Variants in BMPER observed in about 807,000 individuals in gnomAD.
The protein encoded by BMPER is BMP-binding endothelial regulator protein.
In BMPER, 45 loss-of-function variants were observed where a neutral mutation model predicts 87.3. The ratio of observed to expected loss-of-function variants is 0.52; its 90% CI spans 0.41 to 0.66. The LOEUF is 0.66. BMPER is among the 30% of genes least tolerant of loss of function. The pLI, the probability that BMPER is intolerant of heterozygous loss-of-function variation, is 0.00. For missense variants in BMPER, 784 were observed against 867.5 expected, an observed-to-expected ratio of 0.90 and a Z score of 1.21; for synonymous variants, 326 against 316.2, an observed-to-expected ratio of 1.03 and a Z score of -0.33.
chr7:34,022,286 G>A (rs1031961213), intron 6 of BMPER, among the ~76,000 whole-genome samples: 1 of 151,980 alleles, frequency 6.6e-6, no homozygotes, highest in African/African-American at 2.4e-5. Flanking sequence ...TCTGCAGGGG[G>A]CTTCTTCTAG....
chr7:33,976,310 G>A (rs996738797), intron 6 of BMPER, among the ~76,000 whole-genome samples: 7 of 151,908 alleles, frequency 4.6e-5, no homozygotes, highest in Non-Finnish European at 8.8e-5. Context: ...GCGCCACCAG[G>A]CCTGGCTAAT....
chr7:33,974,883 C>T, intron 6 of BMPER, 99 bp downstream of exon 6: 2 of 1,210,162 alleles, frequency 1.7e-6, no homozygotes, highest in Non-Finnish European at 1.2e-6. Context: ...TCTCTCGTCT[C>T]CTCTCTGGGT....
intron 13 of BMPER, among the ~76,000 whole-genome samples, chr7:34,114,477 A>G (rs1333111174): frequency 6.6e-6 from 1 of 152,228 alleles, no homozygotes; most frequent in Non-Finnish European, 1.5e-5. Flanking sequence ...GTATTTACTA[A>G]ATGCCTTCTA....
At chr7:33,906,404 C>G (rs1434380347) in intron 1 of BMPER, among the ~76,000 whole-genome samples, 2 of 152,122 alleles carry the variant, frequency 1.3e-5, no homozygotes, top group East Asian at 3.9e-4. Context: ...TTTATTGACT[C>G]AGTTCTGAGT....
intron 5 of BMPER, among the ~76,000 whole-genome samples, chr7:33,972,533 T>G (rs183799399): frequency 6.6e-6 from 1 of 152,244 alleles, no homozygotes; most frequent in East Asian, 1.9e-4. Flanking sequence ...AGCCATCCAC[T>G]GTTTATACAC....
At chr7:33,965,870 TTTAGA>T (rs10581280) in intron 3 of BMPER, among the ~76,000 whole-genome samples, 152,312 of 152,316 alleles carry the variant, frequency 1, 76,154 homozygotes, top group Middle Eastern at 1. Flanking sequence ...TAATCCATAC[TTTAGA>T]TGGGTAGTTT....
intron 2 of BMPER, among the ~76,000 whole-genome samples, chr7:33,908,252 G>A (rs1452890119): frequency 6.6e-6 from 1 of 152,096 alleles, no homozygotes; most frequent in Non-Finnish European, 1.5e-5. Context: ...TAATGTGAGT[G>A]AATTATTTTA....
intron 13 of BMPER, among the ~76,000 whole-genome samples, chr7:34,097,329 G>C (rs1022062281): frequency 2.0e-5 from 3 of 152,292 alleles, no homozygotes; most frequent in South Asian, 4.1e-4. Flanking sequence ...TTCAGGGTGT[G>C]TGGACAGGAA....
chr7:33,965,581 T>C (rs1224027559), intron 3 of BMPER, among the ~76,000 whole-genome samples: 1 of 152,184 alleles, frequency 6.6e-6, no homozygotes, highest in African/African-American at 2.4e-5. Flanking sequence ...CTTCTGTACT[T>C]TTTGTATTAA....
At chr7:33,938,660 T>C (rs772453852) in intron 3 of BMPER, among the ~76,000 whole-genome samples, 51 of 152,160 alleles carry the variant, frequency 3.4e-4, no homozygotes, top group Non-Finnish European at 3.4e-4. Flanking sequence ...CTCAGGAAAC[T>C]CATCCACCAC....
chr7:33,987,855 A>C (rs1786054595), intron 6 of BMPER, among the ~76,000 whole-genome samples: 1 of 152,234 alleles, frequency 6.6e-6, no homozygotes, highest in Admixed American at 6.5e-5. Context: ...TTCATAATGA[A>C]TAAAAAGGAA....
At chr7:33,920,456 T>C (rs1784197946) in intron 2 of BMPER, among the ~76,000 whole-genome samples, 1 of 141,888 alleles carries the variant, frequency 7.0e-6, no homozygotes, top group Non-Finnish European at 1.5e-5. Context: ...GACAGAGTCT[T>C]GCTCTATGGC....
chr7:34,066,874 T>C (rs563461648), intron 11 of BMPER, among the ~76,000 whole-genome samples: 6 of 152,128 alleles, frequency 3.9e-5, no homozygotes, highest in South Asian at 2.1e-4. Context: ...AGACTGAGAT[T>C]GACAGATTGA....
chr7:34,096,212 C>T (rs1030074444), intron 13 of BMPER, among the ~76,000 whole-genome samples: 2 of 152,166 alleles, frequency 1.3e-5, no homozygotes, highest in Non-Finnish European at 2.9e-5. Flanking sequence ...GGGCTGGTTT[C>T]CATCAGGCCA....
chr7:34,079,983 C>G (rs1788970686), intron 12 of BMPER, among the ~76,000 whole-genome samples: 1 of 152,208 alleles, frequency 6.6e-6, no homozygotes, highest in African/African-American at 2.4e-5. Flanking sequence ...ATATCAGCCC[C>G]AGAGCATAAA....
intron 13 of BMPER, among the ~76,000 whole-genome samples, chr7:34,120,898 T>A (rs1790248672): frequency 6.6e-6 from 1 of 152,152 alleles, no homozygotes; most frequent in Admixed American, 6.5e-5. Flanking sequence ...TAATACCATG[T>A]ACGTAAAATT....
intron 13 of BMPER, 69 bp downstream of exon 13, chr7:34,086,161 T>C (rs574242287): frequency 2.6e-6 from 4 of 1,529,598 alleles, no homozygotes; most frequent in African/African-American, 2.7e-5. Context: ...TGGAACATGG[T>C]GTATGAAATC....
chr7:33,918,700 C>G (rs556711252), intron 2 of BMPER, among the ~76,000 whole-genome samples: 1 of 152,316 alleles, frequency 6.6e-6, no homozygotes, highest in African/African-American at 2.4e-5. Context: ...TGTTTATGCC[C>G]CTTGGGGGGA....
chr7:33,957,739 ATTTG>A (rs1785182646), intron 3 of BMPER, among the ~76,000 whole-genome samples: 2 of 152,100 alleles, frequency 1.3e-5, no homozygotes, highest in South Asian at 4.2e-4. Flanking sequence ...CTACCTGTAT[ATTTG>A]TTTGCACCTT....
Sources: gnomAD v4.1 joint callset for allele counts (sites outside exome capture counted in the v4.1 genomes callset) on GRCh38, gnomAD v4.1.1 for gene constraint, MANE v1.5 for transcripts, NCBI Gene and HGNC (gene_info 2026-07-23, HGNC 2026-07-21) for gene names.